The following GOLM2 variants were observed in gnomAD, a reference collection of about 807,000 sequenced individuals.
The protein encoded by GOLM2 is protein GOLM2.
GOLM2 carries 26 observed loss-of-function variants against 55.9 expected under a neutral mutation model. That is an observed-to-expected ratio of 0.47 (90% confidence interval 0.34 to 0.65). GOLM2 has a LOEUF of 0.65. GOLM2 is among the 30% of genes least tolerant of loss of function. The pLI, the probability that GOLM2 is intolerant of heterozygous loss-of-function variation, is 0.01. For missense variants in GOLM2, 486 were observed against 531.8 expected, an observed-to-expected ratio of 0.91 and a Z score of 0.85; for synonymous variants, 165 against 194.6, an observed-to-expected ratio of 0.85 and a Z score of 1.27.
intron 1 of GOLM2, among the ~76,000 whole-genome samples, chr15:44,298,559 A>C (rs1260739693): frequency 6.6e-6 from 1 of 151,904 alleles, no homozygotes; most frequent in East Asian, 1.9e-4. Flanking sequence ...TACAGGTGTG[A>C]GCCACTGCTC....
At chr15:44,329,716 T>G (rs915516508) in intron 3 of GOLM2, among the ~76,000 whole-genome samples, 2 of 151,734 alleles carry the variant, frequency 1.3e-5, no homozygotes, top group African/African-American at 4.8e-5. Context: ...CTAGGCAACA[T>G]AGTGAGACCT....
chr15:44,408,830 G>A lies in GOLM2; in HGVS notation c.1241-4506G>A, dbSNP rs150546540. ...CAAAAAAAATTCAGCCCGGAGTGGC[G>A]GCGGGAGCCTGTAGTCCCAGCTACT... On this transcript the variant is annotated intron_variant, in intron 9 of 9. Transcript: ENST00000299957. Among the ~76,000 whole-genome samples, 956 of 152,218 alleles carry A rather than the reference G, an allele frequency of 6.3e-3. 7 individuals are homozygous for A. Among genetic ancestry groups the A allele is most frequent in the African/African-American group, 0.022 (920 of 41,522 alleles).
chr15:44,408,025 C>G (rs984382827), intron 9 of GOLM2, among the ~76,000 whole-genome samples: 1 of 152,062 alleles, frequency 6.6e-6, no homozygotes, highest in South Asian at 2.1e-4. Flanking sequence ...GCTGGGATTA[C>G]GGCGTGAGCA....
intron 9 of GOLM2, among the ~76,000 whole-genome samples, chr15:44,411,768 G>T (rs184850878): frequency 5.4e-4 from 80 of 148,424 alleles, no homozygotes; most frequent in Admixed American, 5.0e-3. Flanking sequence ...GACAGAGGTT[G>T]CATTGAGCTG....
At chr15:44,368,071 A>G (rs1460418014) in intron 6 of GOLM2, among the ~76,000 whole-genome samples, 1 of 152,102 alleles carries the variant, frequency 6.6e-6, no homozygotes, top group Non-Finnish European at 1.5e-5. Flanking sequence ...CAGATCAAAT[A>G]TGCAAATTTT....
At chr15:44,387,676 C>A (rs2079455826) in intron 8 of GOLM2, among the ~76,000 whole-genome samples, 1 of 151,700 alleles carries the variant, frequency 6.6e-6, no homozygotes, top group Admixed American at 6.6e-5. Context: ...ACATGAAAAT[C>A]GCTTGCACCA....
At chr15:44,332,948 G>A (rs1420972627) in intron 4 of GOLM2, among the ~76,000 whole-genome samples, 8 of 151,526 alleles carry the variant, frequency 5.3e-5, no homozygotes, top group Non-Finnish European at 1.5e-5. Context: ...TTTTTTTTGT[G>A]TGTGTGATGG....
intron 1 of GOLM2, among the ~76,000 whole-genome samples, chr15:44,303,848 G>A (rs1595615805): frequency 6.6e-6 from 1 of 150,726 alleles, no homozygotes; most frequent in Non-Finnish European, 1.5e-5. Flanking sequence ...CAATTCTCGT[G>A]CCTTAGCCTC....
In GOLM2 at chr15:44,318,877, T is replaced by C. The variant is rs565682144; in HGVS notation, c.328-4088T>C. ...TTCTTACCAGTTCTCCCTAATTCTCTGTTGCAGCTACTGGGAATTGTTTAT... is the reference window on the plus strand; with the variant it reads ...TTCTTACCAGTTCTCCCTAATTCTCCGTTGCAGCTACTGGGAATTGTTTAT... On this transcript the variant is annotated intron_variant, in intron 1 of 9. Coordinates refer to ENST00000299957, the MANE Select transcript of GOLM2 (RefSeq NM_138423.4). Among the ~76,000 whole-genome samples, 21 of 152,306 alleles carry C rather than the reference T, an allele frequency of 1.4e-4. 1 individual carries two copies. In the East Asian group the frequency reaches 4.0e-3, roughly 29 times the overall value.
At chr15:44,327,019 C>T (rs1312668028) in intron 2 of GOLM2, among the ~76,000 whole-genome samples, 1 of 150,228 alleles carries the variant, frequency 6.7e-6, no homozygotes, top group Non-Finnish European at 1.5e-5. Flanking sequence ...GGCGTAATCT[C>T]GGCTCACTGT....
chr15:44,357,685 A>T (rs2079206963), intron 6 of GOLM2, among the ~76,000 whole-genome samples: 1 of 152,218 alleles, frequency 6.6e-6, no homozygotes, highest in South Asian at 2.1e-4. Context: ...TGGAACTAGT[A>T]AGTGATTATA....
At chr15:44,366,711 T>C (rs958910305) in intron 6 of GOLM2, among the ~76,000 whole-genome samples, 7 of 152,078 alleles carry the variant, frequency 4.6e-5, no homozygotes, top group African/African-American at 1.7e-4. Context: ...AGATTATGTC[T>C]TAAGGCCAGG....
At chr15:44,328,651 C>A in intron 2 of GOLM2, 34 bp from the exon 3 acceptor site, 1 of 1,471,694 alleles carries the variant, frequency 6.8e-7, no homozygotes. Flanking sequence ...AATGAGTGAA[C>A]TTGATTCCTT....
Position 44,288,776 on chromosome 15 carries a change from G to A in GOLM2, c.-254G>A, listed in dbSNP as rs909705915. On this transcript the variant is annotated 5_prime_UTR_variant, in exon 1 of 10. Coordinates refer to ENST00000299957, the MANE Select transcript of GOLM2 (RefSeq NM_138423.4). ...GGGACGCTGGCAGCTGGGTTCTCCC[G>A]GTTCCCTTGGGCAGGTGCAGGGTCG... The A allele has an allele frequency of 5.9e-6, 3 of 508,746 alleles. No homozygotes were observed. The highest frequency in any genetic ancestry group is 1.0e-5 in the Non-Finnish European group (3 of 289,630). 31.5% of individuals were successfully genotyped at this position (508,746 alleles called of 1,614,324 possible).
intron 6 of GOLM2, among the ~76,000 whole-genome samples, chr15:44,367,789 C>CA (rs751290157): frequency 0.01 from 1,259 of 120,406 alleles, 5 homozygotes; most frequent in African/African-American, 0.016. Context: ...GACTCTGTCT[C>CA]AAAAAAAAAA....
intron 1 of GOLM2, among the ~76,000 whole-genome samples, chr15:44,314,600 TATACTA>T (rs910965199): frequency 2.2e-4 from 33 of 152,100 alleles, no homozygotes; most frequent in African/African-American, 7.7e-4. Context: ...GGATATAAAT[TATACTA>T]AAACTTGGTT....
In GOLM2 at chr15:44,323,046, A is replaced by T; in HGVS notation, c.382+27A>T. ...TAAGAACCTTAATTCCAGATTAAAG[A>T]TAAACCAAGGTCACTAAATGCCTAA... On this transcript the variant is annotated intron_variant, in intron 2 of 9. Coordinates refer to ENST00000299957, the MANE Select transcript of GOLM2 (RefSeq NM_138423.4). 2.7e-6 allele frequency: 4 copies of T among 1,473,474 alleles called. No homozygotes were observed. In the South Asian group the frequency reaches 5.4e-5, roughly 20 times the overall value. 91.3% of individuals were successfully genotyped at this position (1,473,474 alleles called of 1,614,324 possible).
intron 8 of GOLM2, among the ~76,000 whole-genome samples, chr15:44,382,677 C>T (rs2141195676): frequency 6.6e-6 from 1 of 152,002 alleles, no homozygotes; most frequent in South Asian, 2.1e-4. Context: ...TTAATTGTTG[C>T]CTTACCTGTA....
At chr15:44,400,004 A>G (rs1005628189) in intron 8 of GOLM2, among the ~76,000 whole-genome samples, 3 of 151,898 alleles carry the variant, frequency 2.0e-5, no homozygotes, top group Non-Finnish European at 4.4e-5. Context: ...AAAAGAAAAT[A>G]TAGATTTCTG....
Sources: allele counts gnomAD v4.1 joint callset (sites outside exome capture counted in the v4.1 genomes callset), GRCh38; gene constraint gnomAD v4.1.1; transcripts MANE v1.5; gene names NCBI Gene and HGNC (gene_info 2026-07-23, HGNC 2026-07-21).